The following ELOVL6 variants were observed in gnomAD, a reference collection of about 807,000 sequenced individuals.
ELOVL6 encodes very long chain fatty acid elongase 6.
ELOVL6 carries 8 observed loss-of-function variants against 31.7 expected under a neutral mutation model. That is an observed-to-expected ratio of 0.25 (90% confidence interval 0.15 to 0.45). The LOEUF is 0.45. Among genes scored for constraint, ELOVL6 ranks in the 20% least tolerant of loss-of-function variants. ELOVL6 has a pLI of 1.00. For missense variants in ELOVL6, 126 were observed against 326.4 expected (o/e 0.39, Z 4.73); for synonymous variants, 101 against 117.7 (o/e 0.86, Z 0.92).
intron 2 of ELOVL6, among the ~76,000 whole-genome samples, chr4:110,079,833 C>T (rs1368572262): frequency 1.3e-5 from 2 of 151,888 alleles, no homozygotes; most frequent in Admixed American, 6.6e-5. Flanking sequence ...ACAAAATTGA[C>T]CGACCACTAG....
chr4:110,150,877 T>C (rs1758259840), intron 1 of ELOVL6, among the ~76,000 whole-genome samples: 1 of 152,076 alleles, frequency 6.6e-6, no homozygotes, highest in African/African-American at 2.4e-5. Flanking sequence ...ACTCTGTCTC[T>C]ACTAAAAATA....
At chr4:110,146,151 T>C (rs1758104297) in intron 1 of ELOVL6, among the ~76,000 whole-genome samples, 1 of 152,108 alleles carries the variant, frequency 6.6e-6, no homozygotes, top group African/African-American at 2.4e-5. Context: ...ACAGACACAT[T>C]GATCAATGGA....
At chr4:110,120,323 T>G (rs1757307329) in intron 1 of ELOVL6, among the ~76,000 whole-genome samples, 1 of 144,456 alleles carries the variant, frequency 6.9e-6, no homozygotes, top group African/African-American at 2.6e-5. Context: ...CACAGAAAGG[T>G]TTCCTACCAA....
At chr4:110,093,885 G>A (rs1036836259) in intron 2 of ELOVL6, among the ~76,000 whole-genome samples, 12 of 152,144 alleles carry the variant, frequency 7.9e-5, no homozygotes, top group African/African-American at 2.2e-4. Context: ...TTTGGATAAT[G>A]GAGGCTAGGG....
At chr4:110,083,912 G>T (rs1051432352) in intron 2 of ELOVL6, among the ~76,000 whole-genome samples, 376 of 33,184 alleles carry the variant, frequency 0.011, 4 homozygotes, top group Non-Finnish European at 0.021. Context: ...TATACACATA[G>T]AGAGAGAGAT....
chr4:110,183,731 C>T (rs545560834), intron 1 of ELOVL6, among the ~76,000 whole-genome samples: 40 of 152,174 alleles, frequency 2.6e-4, no homozygotes, highest in Non-Finnish European at 4.3e-4. Context: ...CAGCCAGGCA[C>T]GGTGGCTCAC....
chr4:110,143,658 T>C (rs1472005394), intron 1 of ELOVL6, among the ~76,000 whole-genome samples: 1 of 152,186 alleles, frequency 6.6e-6, no homozygotes, highest in Non-Finnish European at 1.5e-5. Context: ...CCCCAGGCAA[T>C]TTGGATGCAC....
intron 2 of ELOVL6, among the ~76,000 whole-genome samples, chr4:110,070,117 T>G (rs534423961): frequency 6.6e-6 from 1 of 152,310 alleles, no homozygotes; most frequent in Non-Finnish European, 1.5e-5. Flanking sequence ...TCCCTTGCCT[T>G]TTCTTCTTCA....
chr4:110,182,864 C>T (rs1215183860), intron 1 of ELOVL6, among the ~76,000 whole-genome samples: 3 of 151,820 alleles, frequency 2.0e-5, no homozygotes, highest in Non-Finnish European at 2.9e-5. Context: ...GCCAAGATTG[C>T]GCCATTGCAC....
intron 1 of ELOVL6, among the ~76,000 whole-genome samples, chr4:110,191,889 T>A (rs1169419760): frequency 6.6e-6 from 1 of 152,098 alleles, no homozygotes; most frequent in Non-Finnish European, 1.5e-5. Context: ...TTCCACTATC[T>A]AAGCTGAAAG....
intron 1 of ELOVL6, among the ~76,000 whole-genome samples, chr4:110,169,807 C>CTTTTT (rs759703117): frequency 1.5e-5 from 2 of 136,630 alleles, no homozygotes; most frequent in Non-Finnish European, 3.1e-5. Flanking sequence ...TTCTTTCTTT[C>CTTTTT]TTTTTTTTTT....
Position 110,051,521 on chromosome 4 carries a change from C to T in ELOVL6, c.615G>A (p.Gln205=). ...AMFITLSQIT[Q]MLMGCVVNYL... Reference sequence around the variant, plus strand: ...AGTTAACCACACAGCCCATCAGCATCTGAGTGATCTGGGACAAGGTGATGA... The same window carrying T: ...AGTTAACCACACAGCCCATCAGCATTTGAGTGATCTGGGACAAGGTGATGA... Residue 205 remains glutamine (Q), a synonymous_variant, in exon 4 of 4, where the codon CAG becomes CAA. Coordinates refer to ENST00000302274, the MANE Select transcript of ELOVL6 (RefSeq NM_024090.3). This position sits in a 1 kb window ranked among gnomAD's most constrained non-coding sequence, Gnocchi z 4.8. The T allele has an allele frequency of 6.2e-7, 1 of 1,614,232 alleles. No homozygotes were observed. Among genetic ancestry groups the T allele is most frequent in the Non-Finnish European group, 8.5e-7 (1 of 1,180,038 alleles).
At chr4:110,196,603 G>GCGGCCCGGGAGGGCAC (rs1759798617) in intron 1 of ELOVL6, among the ~76,000 whole-genome samples, 1 of 152,242 alleles carries the variant, frequency 6.6e-6, no homozygotes, top group South Asian at 2.1e-4. Context: ...CCTGGCCTCA[G>GCGGCCCGGGAGGGCAC]CGGCCCGGGA....
At chr4:110,183,654 T>C (rs529050920) in intron 1 of ELOVL6, among the ~76,000 whole-genome samples, 3 of 152,342 alleles carry the variant, frequency 2.0e-5, no homozygotes, top group Non-Finnish European at 4.4e-5. Context: ...TCCAGGTTTT[T>C]TTCTTCTTGT....
intron 1 of ELOVL6, among the ~76,000 whole-genome samples, chr4:110,161,186 T>A (rs917990338): frequency 6.6e-6 from 1 of 152,176 alleles, no homozygotes; most frequent in East Asian, 1.9e-4. Context: ...CTGAACAATA[T>A]AGAATGCAGA....
intron 1 of ELOVL6, among the ~76,000 whole-genome samples, chr4:110,153,208 TTAA>T (rs766106904): frequency 1.3e-5 from 2 of 152,212 alleles, no homozygotes; most frequent in Admixed American, 6.5e-5. Flanking sequence ...CTGTTAAGAT[TTAA>T]TAATAATAGT....
At chr4:110,103,235 A>C (rs1222670388) in intron 2 of ELOVL6, among the ~76,000 whole-genome samples, 4 of 152,084 alleles carry the variant, frequency 2.6e-5, no homozygotes, top group Non-Finnish European at 5.9e-5. Flanking sequence ...CTCTTTGGAG[A>C]AATGGCTGAT....
chr4:110,190,433 G>A (rs62327360), intron 1 of ELOVL6, among the ~76,000 whole-genome samples: 7,118 of 152,268 alleles, frequency 0.047, 239 homozygotes, highest in East Asian at 0.11. Flanking sequence ...ATGGTTCCAA[G>A]CTTTGGGATA....
At chr4:110,084,547 C>G (rs1190334091) in intron 2 of ELOVL6, among the ~76,000 whole-genome samples, 15 of 72,872 alleles carry the variant, frequency 2.1e-4, no homozygotes, top group African/African-American at 8.3e-4. Context: ...CACACACACA[C>G]ACACACACAC....
Sources: allele counts gnomAD v4.1 joint callset (sites outside exome capture counted in the v4.1 genomes callset), GRCh38; gene constraint gnomAD v4.1.1; non-coding constraint Gnocchi (gnomAD v3.1); transcripts MANE v1.5; gene names NCBI Gene and HGNC (gene_info 2026-07-23, HGNC 2026-07-21).